RIMS1: variants seen among roughly 807,000 people sequenced by gnomAD.
RIMS1 encodes the protein regulating synaptic membrane exocytosis 1.
A neutral mutation model predicts 214.1 loss-of-function variants in RIMS1; 83 were observed. The ratio of observed to expected loss-of-function variants is 0.39; its 90% confidence interval spans 0.32 to 0.47. The LOEUF is 0.47. Ranked by LOEUF, RIMS1 falls within the 20% of genes least tolerant of loss-of-function variation. RIMS1 has a pLI of 0.99. For missense variants in RIMS1, 2,050 were observed against 2,161.8 expected (o/e 0.95, Z 1.03); for synonymous variants, 793 against 786.8 (o/e 1.01, Z -0.13).
intron 1 of RIMS1, among the ~76,000 whole-genome samples, chr6:71,899,728 G>A (rs1233142842): frequency 6.6e-6 from 1 of 152,128 alleles, no homozygotes; most frequent in East Asian, 1.9e-4. Flanking sequence ...GGAAGAAGCA[G>A]CCCTACATCC....
intron 2 of RIMS1, among the ~76,000 whole-genome samples, chr6:72,011,027 C>A (rs1049347466): frequency 6.6e-6 from 1 of 151,848 alleles, no homozygotes; most frequent in African/African-American, 2.4e-5. Context: ...CCAAGTCAAT[C>A]CTTAGCCAAA....
intron 2 of RIMS1, among the ~76,000 whole-genome samples, chr6:72,056,706 AT>A (rs1391466074): frequency 6.6e-6 from 1 of 152,192 alleles, no homozygotes; most frequent in African/African-American, 2.4e-5. Flanking sequence ...GTCTTAGAAT[AT>A]TTGTCTCAAT....
intron 2 of RIMS1, among the ~76,000 whole-genome samples, chr6:72,054,710 GCATAAATGTCTT>G (rs1300896324): frequency 6.6e-6 from 1 of 151,976 alleles, no homozygotes; most frequent in Non-Finnish European, 1.5e-5. Flanking sequence ...TTTGTTGGCT[GCATAAATGTCTT>G]CTTTTGAGAA....
chr6:72,376,760 A>G lies in RIMS1; in HGVS notation c.4367-13838A>G, dbSNP rs552546413. Among the ~76,000 whole-genome samples, 56 of 151,692 alleles carry G rather than the reference A, an allele frequency of 3.7e-4. No individual in the cohort carries two copies. In the East Asian group the frequency reaches 6.2e-3, roughly 17 times the overall value. On this transcript the variant is annotated intron_variant, in intron 29 of 33. Coordinates refer to ENST00000521978, the MANE Select transcript of RIMS1 (RefSeq NM_014989.7). ...AGACTCTGTCTCAAAAAAAAAAAAA[A>G]AGAGAATCAGATTTTGCTACTCATA...
intron 1 of RIMS1, among the ~76,000 whole-genome samples, chr6:71,895,673 C>CAAAAAA (rs70994105): frequency 5.5e-4 from 35 of 64,170 alleles, no homozygotes; most frequent in African/African-American, 1.5e-3. Context: ...GACTCCCTCT[C>CAAAAAA]AAAAAAAAAA....
intron 2 of RIMS1, among the ~76,000 whole-genome samples, chr6:72,015,361 T>C (rs1337259319): frequency 6.6e-6 from 1 of 152,180 alleles, no homozygotes. Flanking sequence ...ATAACTGATT[T>C]TTTGTATATT....
chr6:72,358,186 A>G (rs1294540389), intron 29 of RIMS1, among the ~76,000 whole-genome samples: 1 of 152,140 alleles, frequency 6.6e-6, no homozygotes, highest in Non-Finnish European at 1.5e-5. Context: ...AAAGGTGCTG[A>G]TAGATTAGAA....
At chr6:72,243,698 A>G (rs577116412) in intron 10 of RIMS1, among the ~76,000 whole-genome samples, 3 of 151,796 alleles carry the variant, frequency 2.0e-5, no homozygotes, top group Non-Finnish European at 4.4e-5. Flanking sequence ...GTGACTTAAA[A>G]AAGTAACAGA....
chr6:71,887,913 A>T (rs1446214397), intron 1 of RIMS1, among the ~76,000 whole-genome samples: 1 of 152,182 alleles, frequency 6.6e-6, no homozygotes, highest in Non-Finnish European at 1.5e-5. Context: ...TCTGGCCTGA[A>T]TAACATAGAG....
intron 28 of RIMS1, among the ~76,000 whole-genome samples, chr6:72,326,913 C>T (rs759817987): frequency 5.9e-5 from 9 of 151,648 alleles, no homozygotes; most frequent in Non-Finnish European, 1.3e-4. Flanking sequence ...ACAATAGAAG[C>T]AGAGGTCACA....
chr6:72,129,298 G>T (rs1035089270), intron 4 of RIMS1, among the ~76,000 whole-genome samples: 2 of 152,042 alleles, frequency 1.3e-5, no homozygotes, highest in Admixed American at 1.3e-4. Context: ...GTGTCAAATG[G>T]CATATACATT....
chr6:72,038,118 A>ATAT (rs1326074998), intron 2 of RIMS1, among the ~76,000 whole-genome samples: 4 of 13,418 alleles, frequency 3.0e-4, no homozygotes, highest in Non-Finnish European at 3.6e-4. Context: ...AAAAAAAAAA[A>ATAT]ATATATATAT....
Position 72,400,754 on chromosome 6 carries a change from TC to T in RIMS1, c.*41del, listed in dbSNP as rs1564926341. The T allele has an allele frequency of 1.4e-6, 2 of 1,443,514 alleles. No homozygotes were observed. Among genetic ancestry groups the T allele is most frequent in the South Asian group, 2.4e-5 (2 of 83,406 alleles). 89.4% of individuals were successfully genotyped at this position (1,443,514 alleles called of 1,614,324 possible). On this transcript the variant is annotated 3_prime_UTR_variant, in exon 34 of 34. Coordinates refer to ENST00000521978, the MANE Select transcript of RIMS1 (RefSeq NM_014989.7). The stretch of plus-strand genomic sequence containing the variant: ...AGTCATTCCAATAAAACTCTACTTT[TC>T]AGGATAATAATCTGAACCAGATATT...
At chr6:72,127,679 T>C (rs2039790499) in intron 4 of RIMS1, among the ~76,000 whole-genome samples, 1 of 152,194 alleles carries the variant, frequency 6.6e-6, no homozygotes, top group Non-Finnish European at 1.5e-5. Context: ...GCTGAGGCCC[T>C]GTTCCTCTGG....
chr6:72,260,890 A>G (rs1357178658), intron 19 of RIMS1, 123 bp downstream of exon 19: 1 of 1,527,536 alleles, frequency 6.5e-7, no homozygotes, highest in Non-Finnish European at 8.8e-7. Context: ...CAAGTATTTG[A>G]AATTTGTTTT....
intron 1 of RIMS1, among the ~76,000 whole-genome samples, chr6:71,924,519 C>T (rs187996905): frequency 2.0e-5 from 3 of 151,058 alleles, no homozygotes; most frequent in Admixed American, 6.6e-5. Context: ...ATAGACTGGG[C>T]GTGGTGGCTC....
intron 29 of RIMS1, among the ~76,000 whole-genome samples, chr6:72,363,975 C>T (rs1595322406): frequency 6.6e-6 from 1 of 152,334 alleles, no homozygotes; most frequent in African/African-American, 2.4e-5. Flanking sequence ...CACTCCAAGA[C>T]TGCTGATCCC....
chr6:72,052,744 C>T (rs530860271), intron 2 of RIMS1, among the ~76,000 whole-genome samples: 10 of 152,188 alleles, frequency 6.6e-5, no homozygotes, highest in African/African-American at 2.2e-4. Context: ...CTATTTTTTG[C>T]GTATGTGTTA....
intron 1 of RIMS1, among the ~76,000 whole-genome samples, chr6:71,916,769 G>A (rs1389500604): frequency 6.6e-6 from 1 of 152,120 alleles, no homozygotes; most frequent in Non-Finnish European, 1.5e-5. Flanking sequence ...CTCACACTGA[G>A]CTCGTTTATT....
Sources: gnomAD v4.1 joint callset for allele counts (sites outside exome capture counted in the v4.1 genomes callset) on GRCh38, gnomAD v4.1.1 for gene constraint, MANE v1.5 for transcripts, NCBI Gene and HGNC (gene_info 2026-07-23, HGNC 2026-07-21) for gene names.